The following SEC24D variants were observed in gnomAD, a reference collection of about 807,000 sequenced individuals.
The protein encoded by SEC24D is protein transport protein Sec24D.
SEC24D carries 69 observed loss-of-function variants against 116.9 expected under a neutral mutation model. The observed-to-expected ratio is 0.59, with a 90% CI of 0.49 to 0.72. The LOEUF (loss-of-function observed/expected upper bound fraction) is 0.72, where lower values mean the gene tolerates loss of function less well. Among genes scored for constraint, SEC24D ranks in the 30% least tolerant of loss-of-function variants. SEC24D has a pLI of 0.00. For synonymous variants in SEC24D, 405 were observed against 442.8 expected, an observed-to-expected ratio of 0.91 and a Z score of 1.07; for missense variants, 1,131 against 1,264.1, an observed-to-expected ratio of 0.89 and a Z score of 1.60.
chr4:118,810,074 C>CTCTGTGTGTGTG (rs776835322), intron 6 of SEC24D, among the ~76,000 whole-genome samples: 20 of 38,608 alleles, frequency 5.2e-4, no homozygotes, highest in South Asian at 1.4e-3. Context: ...TCAGAGGTAG[C>CTCTGTGTGTGTG]TGTGTGTGTG....
At chr4:118,743,321 G>A (rs931504183) in intron 15 of SEC24D, among the ~76,000 whole-genome samples, 13 of 150,504 alleles carry the variant, frequency 8.6e-5, no homozygotes, top group Admixed American at 4.0e-4. Flanking sequence ...TGGAATTGCC[G>A]AACCATAAAT....
chr4:118,809,478 T>C (rs1333373640), intron 6 of SEC24D, among the ~76,000 whole-genome samples: 1 of 152,208 alleles, frequency 6.6e-6, no homozygotes. Flanking sequence ...AAGGAAAAAT[T>C]TATTTTGTTA....
intron 8 of SEC24D, among the ~76,000 whole-genome samples, chr4:118,779,678 G>C (rs1728307980): frequency 1.3e-5 from 2 of 152,182 alleles, no homozygotes; most frequent in Admixed American, 1.3e-4. Flanking sequence ...AGAAGGAATG[G>C]TACCAGCTTC....
intron 8 of SEC24D, among the ~76,000 whole-genome samples, chr4:118,773,413 C>T (rs952378768): frequency 1.3e-5 from 2 of 151,598 alleles, no homozygotes; most frequent in African/African-American, 4.8e-5. Context: ...TTGTATTTCC[C>T]AGGAAATCAC....
chr4:118,831,330 A>C (rs898162235), intron 2 of SEC24D, among the ~76,000 whole-genome samples: 1 of 151,886 alleles, frequency 6.6e-6, no homozygotes, highest in Non-Finnish European at 1.5e-5. Context: ...CACCCCACCA[A>C]GTTTTGTTTT....
intron 21 of SEC24D, chr4:118,730,444 T>C (rs1186977623): frequency 6.6e-6 from 1 of 152,216 alleles, no homozygotes; most frequent in African/African-American, 2.4e-5. Context: ...CTTGCCTCTT[T>C]CTGCAAGATG....
Position 118,723,435 on chromosome 4 carries a change from C to CTATT in SEC24D, c.*76_*79dup. ...AAATGAGCAAGAAATCAAAACTAGC[C>CTATT]TATTATCATCTAGAAAATTAGGCAC... On this transcript the variant is annotated 3_prime_UTR_variant, in exon 23 of 23. Coordinates refer to ENST00000280551, the MANE Select transcript of SEC24D (RefSeq NM_014822.4). The CTATT allele has an allele frequency of 7.2e-7, 1 of 1,393,926 alleles. No individual in the cohort carries two copies. Among genetic ancestry groups the CTATT allele is most frequent in the South Asian group, 1.3e-5 (1 of 75,034 alleles). 86.3% of individuals were successfully genotyped at this position (1,393,926 alleles called of 1,614,324 possible). A position where few individuals can be genotyped will look rare whatever the true frequency, so the allele number is the denominator to read the frequency against.
At chr4:118,834,520 T>C (rs951064924) in intron 1 of SEC24D, among the ~76,000 whole-genome samples, 7 of 151,540 alleles carry the variant, frequency 4.6e-5, no homozygotes, top group South Asian at 2.1e-4. Flanking sequence ...GAACCCAAAT[T>C]TGCTTTAAAT....
At chr4:118,748,684 T>A (rs1726666329) in intron 13 of SEC24D, among the ~76,000 whole-genome samples, 1 of 152,074 alleles carries the variant, frequency 6.6e-6, no homozygotes, top group Non-Finnish European at 1.5e-5. Context: ...ACAGAGCTTA[T>A]TATCTCTACC....
rs1726863532 is a variant in SEC24D, at chr4:118,752,001, G to T, written c.1702C>A (p.Leu568Ile). 2 of 1,606,428 alleles carry T rather than the reference G, an allele frequency of 1.2e-6. No individual in the cohort carries two copies. Among genetic ancestry groups the T allele is most frequent in the Admixed American group, 3.3e-5 (2 of 59,868 alleles). The change falls in exon 13 of 23, where the codon CTA becomes ATA. Residue 568 changes from leucine to isoleucine, a missense_variant. Coordinates refer to ENST00000280551, the MANE Select transcript of SEC24D (RefSeq NM_014822.4). ...APVIQAGMEA[L>I]KAADCPGKLF... ...TAGAAGTGGCTTCTTCTCACCTTTAGTGCTTCCATGCCAGCCTGGATGACA... is the reference window on the plus strand; with the variant it reads ...TAGAAGTGGCTTCTTCTCACCTTTATTGCTTCCATGCCAGCCTGGATGACA...
In SEC24D at chr4:118,731,420, C is replaced by A. The variant is rs769318516; in HGVS notation, c.2764G>T (p.Ala922Ser). Residue 922 changes from alanine (A) to serine (S), a missense_variant, in exon 21 of 23, where the codon GCT becomes TCT. Coordinates refer to ENST00000280551, the MANE Select transcript of SEC24D (RefSeq NM_014822.4). Reference sequence around the variant, plus strand: ...CACAGGAACATGTGTAGACCATTAGCCAGTAAGAATATTCCTTCTTCTGAA... The same window carrying A: ...CACAGGAACATGTGTAGACCATTAGACAGTAAGAATATTCCTTCTTCTGAA... ...RLSEEGIFLL[A>S]NGLHMFLWLG... is the part of the protein sequence containing the mutation. 3 of 1,613,988 alleles carry A rather than the reference C, an allele frequency of 1.9e-6. No homozygotes were observed. The highest frequency in any genetic ancestry group is 2.5e-6 in the Non-Finnish European group (3 of 1,179,890).
intron 22 of SEC24D, among the ~76,000 whole-genome samples, chr4:118,724,008 C>T (rs983265159): frequency 1.3e-5 from 2 of 152,180 alleles, no homozygotes; most frequent in Non-Finnish European, 2.9e-5. Flanking sequence ...ACAATTATGG[C>T]TGGCATGTAA....
intron 8 of SEC24D, among the ~76,000 whole-genome samples, chr4:118,784,803 T>G (rs910833277): frequency 4.2e-5 from 6 of 143,118 alleles, no homozygotes; most frequent in Admixed American, 1.4e-4. Flanking sequence ...CCTTCCTCTG[T>G]GAGATGATAT....
intron 20 of SEC24D, among the ~76,000 whole-genome samples, chr4:118,731,941 T>G (rs559214257): frequency 6.8e-6 from 1 of 147,494 alleles, no homozygotes; most frequent in African/African-American, 2.5e-5. Context: ...GCACTGGTCC[T>G]AAAGCAAGGG....
chr4:118,739,513 A>C (rs1001822222), intron 17 of SEC24D, among the ~76,000 whole-genome samples: 4 of 152,204 alleles, frequency 2.6e-5, no homozygotes, highest in Non-Finnish European at 5.9e-5. Context: ...TCACTGGTTT[A>C]AATTGTTGAG....
chr4:118,823,937 C>T (rs2110534498), intron 3 of SEC24D, among the ~76,000 whole-genome samples: 1 of 152,220 alleles, frequency 6.6e-6, no homozygotes, highest in Non-Finnish European at 1.5e-5. Context: ...CACCCATTGG[C>T]ACTGAGCTCA....
intron 17 of SEC24D, among the ~76,000 whole-genome samples, chr4:118,740,136 G>C (rs917784653): frequency 6.6e-6 from 1 of 152,162 alleles, no homozygotes; most frequent in Admixed American, 6.5e-5. Flanking sequence ...GCATGTAACA[G>C]AGGGAAGATG....
intron 19 of SEC24D, among the ~76,000 whole-genome samples, chr4:118,734,964 G>C (rs2110434392): frequency 6.6e-6 from 1 of 152,316 alleles, no homozygotes; most frequent in Admixed American, 6.5e-5. Flanking sequence ...CATTTTACAT[G>C]TTATCAAGAT....
At chr4:118,831,375 C>T (rs1401736361) in intron 2 of SEC24D, among the ~76,000 whole-genome samples, 10 of 151,486 alleles carry the variant, frequency 6.6e-5, no homozygotes, top group African/African-American at 2.4e-4. Flanking sequence ...GTATGGATCA[C>T]GAAATAAATG....
Sources: gnomAD v4.1 joint callset for allele counts (sites outside exome capture counted in the v4.1 genomes callset) on GRCh38, gnomAD v4.1.1 for gene constraint, MANE v1.5 for transcripts, NCBI Gene and HGNC (gene_info 2026-07-23, HGNC 2026-07-21) for gene names.